Variants in CCBE1 observed in about 807,000 individuals in gnomAD.
The protein encoded by CCBE1 is collagen and calcium-binding EGF domain-containing protein 1.
In CCBE1, 37 loss-of-function variants were observed where a neutral mutation model predicts 50.0. That is an observed-to-expected ratio of 0.74 (90% CI 0.57 to 0.97). The LOEUF (loss-of-function observed/expected upper bound fraction) is 0.97. Among genes scored for constraint, CCBE1 ranks in the 50% least tolerant of loss-of-function variants. CCBE1 has a pLI of 0.00. For missense variants in CCBE1, 538 were observed against 523.8 expected, an observed-to-expected ratio of 1.03 and a Z score of -0.26; for synonymous variants, 234 against 203.7, an observed-to-expected ratio of 1.15 and a Z score of -1.27.
chr18:59,602,110 A>C (rs1260795199), intron 2 of CCBE1, among the ~76,000 whole-genome samples: 5 of 148,682 alleles, frequency 3.4e-5, no homozygotes, highest in Non-Finnish European at 7.4e-5. Context: ...ACAAATGTGA[A>C]TTCCTTTTTT....
At chr18:59,543,887 G>A (rs1313910967) in intron 2 of CCBE1, among the ~76,000 whole-genome samples, 2 of 142,552 alleles carry the variant, frequency 1.4e-5, no homozygotes, top group Admixed American at 7.0e-5. Flanking sequence ...GAATCAGAAA[G>A]CAATGAGAGG....
intron 2 of CCBE1, among the ~76,000 whole-genome samples, chr18:59,653,228 G>A (rs2054148311): frequency 6.6e-6 from 1 of 152,200 alleles, no homozygotes. Context: ...CCAGAGAGCT[G>A]GCAAATATTC....
chr18:59,487,448 G>T (rs755839408), intron 2 of CCBE1, among the ~76,000 whole-genome samples: 78 of 151,030 alleles, frequency 5.2e-4, no homozygotes, highest in Admixed American at 2.7e-3. Flanking sequence ...TGAACTACTA[G>T]AATTCCTTTT....
chr18:59,466,624 T>G, intron 5 of CCBE1, 115 bp downstream of exon 5: 3 of 464,340 alleles, frequency 6.5e-6, no homozygotes, highest in Non-Finnish European at 6.5e-6. Flanking sequence ...CATAAATATA[T>G]TTATATATAC....
intron 5 of CCBE1, among the ~76,000 whole-genome samples, chr18:59,459,640 GA>G (rs1288391800): frequency 6.6e-6 from 1 of 152,174 alleles, no homozygotes; most frequent in Non-Finnish European, 1.5e-5. Flanking sequence ...AGATATCTTA[GA>G]AAAACCAAAC....
chr18:59,611,631 G>A (rs1353492884), intron 2 of CCBE1, among the ~76,000 whole-genome samples: 3 of 152,044 alleles, frequency 2.0e-5, no homozygotes, highest in African/African-American at 4.8e-5. Flanking sequence ...CTGTAATCCC[G>A]GCTACTTGGG....
At chr18:59,559,764 G>C (rs2052708154) in intron 2 of CCBE1, among the ~76,000 whole-genome samples, 1 of 152,242 alleles carries the variant, frequency 6.6e-6, no homozygotes, top group Non-Finnish European at 1.5e-5. Flanking sequence ...AGTGAAACCT[G>C]TGTCTCTGCG....
chr18:59,697,186 C>T (rs2054820282), intron 1 of CCBE1, 26 bp downstream of exon 1: 3 of 1,547,820 alleles, frequency 1.9e-6, no homozygotes, highest in Non-Finnish European at 2.6e-6. Flanking sequence ...AGGAGCTCGC[C>T]CTCCGCTGGG....
At chr18:59,558,706 G>A (rs1164250087) in intron 2 of CCBE1, among the ~76,000 whole-genome samples, 1 of 152,300 alleles carries the variant, frequency 6.6e-6, no homozygotes, top group East Asian at 1.9e-4. Context: ...TCTTGCAAAT[G>A]GAGAGGAAGG....
chr18:59,644,490 A>C (rs1416625479), intron 2 of CCBE1, among the ~76,000 whole-genome samples: 1 of 152,246 alleles, frequency 6.6e-6, no homozygotes, highest in Admixed American at 6.5e-5. Flanking sequence ...GTCCTCAGGT[A>C]AACAGCTGCA....
chr18:59,498,317 A>G (rs181318655), intron 2 of CCBE1, among the ~76,000 whole-genome samples: 8 of 152,328 alleles, frequency 5.3e-5, no homozygotes, highest in African/African-American at 1.9e-4. Context: ...AGAAATAATA[A>G]TAGTAGAAAG....
chr18:59,524,364 CTATT>C (rs927835751), intron 2 of CCBE1, among the ~76,000 whole-genome samples: 7 of 152,046 alleles, frequency 4.6e-5, no homozygotes, highest in Admixed American at 6.5e-5. Flanking sequence ...ATTCAAAAGA[CTATT>C]TATATTTATT....
intron 2 of CCBE1, among the ~76,000 whole-genome samples, chr18:59,567,991 C>A (rs773116909): frequency 1.3e-5 from 2 of 152,066 alleles, no homozygotes; most frequent in East Asian, 1.9e-4. Context: ...TTTTAGAAAT[C>A]GCTGTGGTAG....
At chr18:59,656,631 T>A (rs1432741733) in intron 2 of CCBE1, among the ~76,000 whole-genome samples, 1 of 152,218 alleles carries the variant, frequency 6.6e-6, no homozygotes, top group Non-Finnish European at 1.5e-5. Flanking sequence ...GCCTAATTAT[T>A]TGTATGTGCA....
rs140879812 is a variant in CCBE1 at position 59,588,880 on chromosome 18, G to A, written c.212+107749C>T. On this transcript the variant is annotated intron_variant, in intron 2 of 10. Coordinates refer to ENST00000439986, the MANE Select transcript of CCBE1 (RefSeq NM_133459.4). ...TCAAAGGCTCCCCTGATGCCCCCTC[G>A]GGAGGCTTTGCAGCAGGCTACTGCA... Among the ~76,000 whole-genome samples, 322 of 152,230 alleles carry A rather than the reference G, an allele frequency of 2.1e-3. 4 individuals carry two copies. In the East Asian group the frequency reaches 0.032, roughly 15 times the overall value.
At chr18:59,593,923 C>T (rs1292106821) in intron 2 of CCBE1, among the ~76,000 whole-genome samples, 2 of 152,192 alleles carry the variant, frequency 1.3e-5, no homozygotes, top group East Asian at 3.9e-4. Flanking sequence ...AGAGGGGTGA[C>T]CTCCCATTCC....
At chr18:59,543,329 A>G (rs1598995788) in intron 2 of CCBE1, among the ~76,000 whole-genome samples, 1 of 152,220 alleles carries the variant, frequency 6.6e-6, no homozygotes, top group Non-Finnish European at 1.5e-5. Flanking sequence ...TTATTTAGGG[A>G]AAGTTTTCAG....
intron 2 of CCBE1, among the ~76,000 whole-genome samples, chr18:59,650,465 G>A (rs1040215220): frequency 7.9e-5 from 12 of 151,694 alleles, no homozygotes; most frequent in Middle Eastern, 3.4e-3. Flanking sequence ...CAACGTGACT[G>A]GGTTCAGAAA....
intron 5 of CCBE1, 94 bp from the exon 6 acceptor site, chr18:59,455,045 G>T (rs773802921): frequency 1.0e-6 from 1 of 955,654 alleles, no homozygotes; most frequent in Admixed American, 1.8e-5. Context: ...CAGGGACAGA[G>T]TAGCTGACAG....
Sources: allele counts gnomAD v4.1 joint callset (sites outside exome capture counted in the v4.1 genomes callset), GRCh38; gene constraint gnomAD v4.1.1; transcripts MANE v1.5; gene names NCBI Gene and HGNC (gene_info 2026-07-23, HGNC 2026-07-21).